Variants in NUP107 observed in about 807,000 individuals in gnomAD.
NUP107 encodes nuclear pore complex protein Nup107.
A neutral mutation model predicts 141.0 loss-of-function variants in NUP107; 101 were observed. The ratio of observed to expected loss-of-function variants is 0.72; its 90% CI spans 0.61 to 0.84. NUP107 has a LOEUF of 0.84. Among genes scored for constraint, NUP107 ranks in the 40% least tolerant of loss-of-function variants. NUP107 has a pLI of 0.00. For missense variants in NUP107, 941 were observed against 1,102.7 expected (o/e 0.85, Z 2.08); for synonymous variants, 319 against 363.9 (o/e 0.88, Z 1.41).
chr12:68,716,237 C>CTTTTTTTT (rs1304801302), intron 12 of NUP107, among the ~76,000 whole-genome samples: 2 of 115,562 alleles, frequency 1.7e-5, no homozygotes, highest in Admixed American at 9.3e-5. Context: ...TTCTTTCTTT[C>CTTTTTTTT]TTTCTTTCTT....
chr12:68,707,017 C>T (rs560796365), intron 8 of NUP107: 11 of 610,234 alleles, frequency 1.8e-5, no homozygotes, highest in Non-Finnish European at 2.6e-5. Context: ...TTGTGAAGAT[C>T]GAGACCCACG....
chr12:68,708,252 A>G (rs1037771050), intron 8 of NUP107, among the ~76,000 whole-genome samples: 1 of 152,118 alleles, frequency 6.6e-6, no homozygotes. Flanking sequence ...AGTCTAACTT[A>G]TGAGGATATA....
chr12:68,731,168 A>G lies in NUP107; in HGVS notation c.1793A>G (p.Gln598Arg), dbSNP rs1269750042. The G allele has an allele frequency of 1.2e-6, 2 of 1,611,842 alleles. No homozygotes were observed. The highest frequency in any genetic ancestry group is 1.7e-6 in the Non-Finnish European group (2 of 1,178,952). The change falls in exon 21 of 28, where the codon CAA (glutamine) becomes CGA (arginine). Residue 598 changes from glutamine (Q) to arginine (R), a missense_variant. By Grantham distance (43) the Gln-to-Arg change is conservative. Transcript: ENST00000229179. Reference sequence around the variant, plus strand: ...GCATTTTATACCTGTCATTTGCCTCAAGACCTAGCTGTTGCCCAGTATGCA... The same window carrying G: ...GCATTTTATACCTGTCATTTGCCTCGAGACCTAGCTGTTGCCCAGTATGCA... ...LIAFYTCHLPQDLAVAQYALF... is the reference protein window; with the variant it reads ...LIAFYTCHLPRDLAVAQYALF...
At chr12:68,715,765 C>T in intron 12 of NUP107, 25 bp downstream of exon 12, 2 of 1,431,218 alleles carry the variant, frequency 1.4e-6, no homozygotes, top group Non-Finnish European at 2.0e-6. Context: ...CCCTTCTTGT[C>T]TAATTTCAAA....
In NUP107 at chr12:68,734,694, A is replaced by AT; in HGVS notation, c.2263-11dup. On this transcript the variant is annotated splice_polypyrimidine_tract_variant and intron_variant, in intron 24 of 27. Coordinates refer to ENST00000229179, the MANE Select transcript of NUP107 (RefSeq NM_020401.4). ...TGTTATTTTATATTTTGGTTTTTTTATTTCACATTTTAGGAAGCCCATGAA... is the reference window on the plus strand; with the variant it reads ...TGTTATTTTATATTTTGGTTTTTTTATTTTCACATTTTAGGAAGCCCATGAA... 1 of 1,503,152 alleles carries AT rather than the reference A, an allele frequency of 6.7e-7. No homozygotes were observed. 93.1% of individuals were successfully genotyped at this position (1,503,152 alleles called of 1,614,324 possible). A position where few individuals can be genotyped will look rare whatever the true frequency, so the allele number is the denominator to read the frequency against.
chr12:68,713,018 A>G (rs543239704), intron 10 of NUP107, among the ~76,000 whole-genome samples: 2 of 152,276 alleles, frequency 1.3e-5, no homozygotes, highest in African/African-American at 4.8e-5. Flanking sequence ...TAGCTCATAG[A>G]AAGCAATAAT....
At chr12:68,689,748 T>C (rs1407730075) in intron 3 of NUP107, 129 bp downstream of exon 3, 2 of 650,646 alleles carry the variant, frequency 3.1e-6, no homozygotes, top group Non-Finnish European at 5.3e-6. Flanking sequence ...TGATTGCAGT[T>C]ATTATTCGTT....
At chr12:68,690,224 GA>G (rs900688833) in intron 3 of NUP107, among the ~76,000 whole-genome samples, 1 of 150,610 alleles carries the variant, frequency 6.6e-6, no homozygotes, top group East Asian at 2.0e-4. Flanking sequence ...TTCTGAGACA[GA>G]AAAAAAAGAG....
intron 5 of NUP107, among the ~76,000 whole-genome samples, chr12:68,694,261 T>G (rs1875944618): frequency 6.6e-6 from 1 of 152,266 alleles, no homozygotes; most frequent in Non-Finnish European, 1.5e-5. Flanking sequence ...TTAGTATGTA[T>G]TATAACTTTC....
At chr12:68,733,407 C>T in intron 23 of NUP107, 45 bp from the exon 24 acceptor site, 1 of 1,553,276 alleles carries the variant, frequency 6.4e-7, no homozygotes, top group Non-Finnish European at 8.7e-7. Flanking sequence ...GAAACCATTA[C>T]AGAGAAGTCC....
intron 5 of NUP107, among the ~76,000 whole-genome samples, chr12:68,694,506 T>C (rs1157392026): frequency 1.3e-5 from 2 of 152,204 alleles, no homozygotes; most frequent in African/African-American, 4.8e-5. Flanking sequence ...AGAAAATATT[T>C]GCAAATCATA....
chr12:68,696,813 T>C lies in NUP107; in HGVS notation c.449-6T>C. On this transcript the variant is annotated splice_region_variant and splice_polypyrimidine_tract_variant and intron_variant, in intron 5 of 27. Transcript: ENST00000229179. ...TATTCCTTTTTTTTTTTTTGATGTG[T>C]TCTAGCATCCATGAGTATGTTTTCT... The C allele has an allele frequency of 6.5e-7, 1 of 1,530,222 alleles. No homozygotes were observed. The highest frequency in any genetic ancestry group is 1.2e-5 in the South Asian group (1 of 86,360). The allele number at this position is 1,530,222 out of a possible 1,614,324, so 94.8% of individuals were successfully genotyped here. A position where few individuals can be genotyped will look rare whatever the true frequency, so the allele number is the denominator to read the frequency against.
intron 8 of NUP107, chr12:68,705,708 C>T: frequency 1.5e-6 from 1 of 655,574 alleles, no homozygotes; most frequent in Non-Finnish European, 2.8e-6. Context: ...GCCATTCCTA[C>T]ATGTGTGGGC....
chr12:68,728,138 A>G (rs1259376408), intron 20 of NUP107, among the ~76,000 whole-genome samples: 1 of 151,904 alleles, frequency 6.6e-6, no homozygotes, highest in African/African-American at 2.4e-5. Context: ...AATTTTTTTA[A>G]ATTAGCAGGG....
chr12:68,700,944 G>A (rs1876301005), intron 7 of NUP107, 91 bp downstream of exon 7: 1 of 1,307,912 alleles, frequency 7.6e-7, no homozygotes, highest in Non-Finnish European at 1.0e-6. Context: ...GTCGTGCTTG[G>A]AAATAGGTTT....
intron 8 of NUP107, chr12:68,707,012 A>C: frequency 1.6e-6 from 1 of 618,122 alleles, no homozygotes; most frequent in South Asian, 1.9e-5. Flanking sequence ...TGTGATTGTG[A>C]AGATCGAGAC....
intron 8 of NUP107, among the ~76,000 whole-genome samples, chr12:68,707,218 A>C (rs1306119145): frequency 6.6e-6 from 1 of 151,352 alleles, no homozygotes; most frequent in Admixed American, 6.6e-5. Context: ...TGCCTGGGGT[A>C]CCCCCCTTGC....
chr12:68,688,895 A>C, intron 1 of NUP107, 67 bp from the exon 2 acceptor site: 3 of 1,203,626 alleles, frequency 2.5e-6, no homozygotes, highest in Non-Finnish European at 3.6e-6. Flanking sequence ...TCCAACTGTG[A>C]TGATAAAATT....
At chr12:68,687,294 C>T (rs929995489) in intron 1 of NUP107, 82 of 684,808 alleles carry the variant, frequency 1.2e-4, no homozygotes, top group Admixed American at 2.3e-4. Flanking sequence ...TACTTTCCCA[C>T]TACGTTCTGC....
Sources: allele counts gnomAD v4.1 joint callset (sites outside exome capture counted in the v4.1 genomes callset), GRCh38; gene constraint gnomAD v4.1.1; transcripts MANE v1.5; gene names NCBI Gene and HGNC (gene_info 2026-07-23, HGNC 2026-07-21).